Variants in CLINT1 observed in about 807,000 individuals in gnomAD.
CLINT1 encodes clathrin interactor 1.
CLINT1 carries 15 observed loss-of-function variants against 70.4 expected under a neutral mutation model. The observed-to-expected ratio is 0.21, with a 90% CI of 0.14 to 0.33. The LOEUF is 0.33. Ranked by LOEUF, CLINT1 falls within the 10% of genes least tolerant of loss-of-function variation. The pLI, the probability that CLINT1 is intolerant of heterozygous loss-of-function variation, is 1.00. For synonymous variants in CLINT1, 227 were observed against 254.7 expected (o/e 0.89, Z 1.04); for missense variants, 615 against 778.1 (o/e 0.79, Z 2.49).
rs751283137 is a variant in CLINT1 at position 157,809,699 on chromosome 5, A to G, written c.624T>C (p.Ile208=). Residue 208 remains isoleucine (I), a synonymous_variant, in exon 6 of 12, where the codon ATT becomes ATC. Transcript: ENST00000411809. The part of the protein sequence containing the change: ...SDKLGELSDK[I]GSTIDDTISK... Reference sequence around the variant, plus strand: ...TGATGGTGTCATCAATTGTGCTTCCAATTTTATCACTCAGCTCACCTAATT... The same window carrying G: ...TGATGGTGTCATCAATTGTGCTTCCGATTTTATCACTCAGCTCACCTAATT... 1 of 1,613,484 alleles carries G rather than the reference A, an allele frequency of 6.2e-7. No individual in the cohort carries two copies. The highest frequency in any genetic ancestry group is 2.2e-5 in the East Asian group (1 of 44,850).
intron 8 of CLINT1, among the ~76,000 whole-genome samples, chr5:157,798,824 A>G (rs1762135705): frequency 6.6e-6 from 1 of 152,122 alleles, no homozygotes; most frequent in Admixed American, 6.5e-5. Flanking sequence ...AAAAATAAAA[A>G]AACTAATGTC....
chr5:157,857,376 A>G (rs916617075), intron 1 of CLINT1, among the ~76,000 whole-genome samples: 1 of 152,236 alleles, frequency 6.6e-6, no homozygotes, highest in Non-Finnish European at 1.5e-5. Flanking sequence ...TCGGTAAGCA[A>G]AAGCAAAGAA....
intron 5 of CLINT1, 114 bp downstream of exon 5, chr5:157,812,949 A>G (rs1762607776): frequency 4.3e-6 from 4 of 937,120 alleles, no homozygotes; most frequent in Admixed American, 2.6e-5. Flanking sequence ...TTAGTATTCT[A>G]TGTATTCCTA....
chr5:157,817,551 TA>T lies in CLINT1; in HGVS notation c.42-5del. The T allele has an allele frequency of 6.3e-7, 1 of 1,581,532 alleles. No homozygotes were observed. Among genetic ancestry groups the T allele is most frequent in the Non-Finnish European group, 8.6e-7 (1 of 1,160,244 alleles). On this transcript the variant is annotated splice_region_variant and splice_polypyrimidine_tract_variant and intron_variant, in intron 1 of 11. Coordinates refer to ENST00000411809, the MANE Select transcript of CLINT1 (RefSeq NM_014666.4). ...ATAATTCATAACAACATTGGTGCTGTAGAGGAAAAAAATGCACGCACACATG... is the reference window on the plus strand; with the variant it reads ...ATAATTCATAACAACATTGGTGCTGTGAGGAAAAAAATGCACGCACACATG...
intron 1 of CLINT1, among the ~76,000 whole-genome samples, chr5:157,833,555 C>G (rs1337233541): frequency 6.6e-6 from 1 of 152,138 alleles, no homozygotes; most frequent in African/African-American, 2.4e-5. Flanking sequence ...CCACTTCCTC[C>G]AAGAAACCTT....
At chr5:157,822,100 A>G (rs562772748) in intron 1 of CLINT1, among the ~76,000 whole-genome samples, 153 of 152,318 alleles carry the variant, frequency 1.0e-3, no homozygotes, top group Middle Eastern at 6.8e-3. Context: ...TTGTACTCTC[A>G]TAATTCCCAC....
chr5:157,829,074 C>G (rs975908116), intron 1 of CLINT1, among the ~76,000 whole-genome samples: 3 of 151,960 alleles, frequency 2.0e-5, no homozygotes, highest in Non-Finnish European at 4.4e-5. Context: ...TGCACTCCAG[C>G]CTGGGCATGG....
At chr5:157,816,007 C>T (rs532405047) in intron 3 of CLINT1, among the ~76,000 whole-genome samples, 155 of 152,224 alleles carry the variant, frequency 1.0e-3, no homozygotes, top group Non-Finnish European at 1.7e-3. Context: ...AACCAAAAAA[C>T]TAAAAGCAAA....
chr5:157,839,670 A>G (rs113708559), intron 1 of CLINT1, among the ~76,000 whole-genome samples: 7 of 152,162 alleles, frequency 4.6e-5, no homozygotes, highest in African/African-American at 1.2e-4. Flanking sequence ...TCTGGACTAC[A>G]GGTGATCCTG....
rs1360585460 is a variant in CLINT1 at position 157,814,978 on chromosome 5, A to G, written c.244-685T>C. On this transcript the variant is annotated intron_variant, in intron 3 of 11. Transcript: ENST00000411809. ...AACCCAGAAGGTGGAGGTTGCAGTG[A>G]GCTGAGCCCGCACCACTGCACTCCA... Among the ~76,000 whole-genome samples, 3 of 150,954 alleles carry G rather than the reference A, an allele frequency of 2.0e-5. No homozygotes were observed. In the South Asian group the frequency reaches 6.3e-4, roughly 32 times the overall value.
At chr5:157,801,514 AAAAT>A (rs893061851) in intron 8 of CLINT1, among the ~76,000 whole-genome samples, 1 of 151,728 alleles carries the variant, frequency 6.6e-6, no homozygotes, top group African/African-American at 2.4e-5. Flanking sequence ...CTCAAAAAAA[AAAAT>A]AGAGAAAGAA....
At chr5:157,788,144 C>T in intron 11 of CLINT1, 152 bp from the exon 12 acceptor site, 3 of 697,586 alleles carry the variant, frequency 4.3e-6, no homozygotes, top group South Asian at 3.2e-5. Context: ...AATTACTCTG[C>T]ACTGGTTCCT....
At chr5:157,834,562 C>G (rs1369355639) in intron 1 of CLINT1, among the ~76,000 whole-genome samples, 2 of 152,152 alleles carry the variant, frequency 1.3e-5, no homozygotes, top group African/African-American at 4.8e-5. Context: ...TTCTCTCATT[C>G]CCTCTGTTTC....
intron 1 of CLINT1, among the ~76,000 whole-genome samples, chr5:157,858,597 C>T (rs1753829543): frequency 1.3e-5 from 2 of 152,240 alleles, no homozygotes; most frequent in Non-Finnish European, 2.9e-5. Context: ...CAAGACAGTC[C>T]TCCGGCCAGG....
chr5:157,791,432 T>C (rs1761901488), intron 10 of CLINT1, among the ~76,000 whole-genome samples: 1 of 152,242 alleles, frequency 6.6e-6, no homozygotes, highest in Admixed American at 6.5e-5. Context: ...TTTTGCCATG[T>C]TCCTCCTCTG....
intron 9 of CLINT1, 72 bp downstream of exon 9, chr5:157,794,826 G>T: frequency 9.5e-7 from 1 of 1,052,450 alleles, no homozygotes; most frequent in South Asian, 1.4e-5. Flanking sequence ...AAGCTGACTT[G>T]GGGGGAATGG....
Position 157,787,992 on chromosome 5 carries a change from T to A in CLINT1, c.1532A>T (p.Asn511Ile), listed in dbSNP as rs767700453. 3 of 1,600,718 alleles carry A rather than the reference T, an allele frequency of 1.9e-6. No individual in the cohort carries two copies. Among genetic ancestry groups the A allele is most frequent in the Non-Finnish European group, 2.6e-6 (3 of 1,172,794 alleles). The change falls in exon 12 of 12, where the codon AAT (asparagine) becomes ATT (isoleucine). Residue 511 changes from asparagine to isoleucine, a missense_variant and splice_region_variant. Asn to Ile is a moderately radical substitution (Grantham distance 149). This residue lies in a region of CLINT1 where 374 missense variants were observed against 409.6 expected (regional missense o/e 0.91). Transcript: ENST00000411809. ...CATCACATTCATAGGCTGCTGCATA[T>A]CTACCAGACGAAAACAGACAGAAGA... is the stretch of plus-strand genomic sequence containing the variant. ...PSLNTMIQQQNMQQPMNVMTQ... is the reference protein window; with the variant it reads ...PSLNTMIQQQIMQQPMNVMTQ...
intron 1 of CLINT1, among the ~76,000 whole-genome samples, chr5:157,847,623 C>T (rs949228633): frequency 6.6e-6 from 1 of 152,036 alleles, no homozygotes; most frequent in Non-Finnish European, 1.5e-5. Flanking sequence ...CAGTGACGGA[C>T]GTCACTGCAG....
At chr5:157,817,593 C>A (rs1191672515) in intron 1 of CLINT1, 46 bp from the exon 2 acceptor site, 1 of 1,250,832 alleles carries the variant, frequency 8.0e-7, no homozygotes, top group South Asian at 1.3e-5. Context: ...AGATTAGCAT[C>A]AAAACTGAGA....
Sources: allele counts gnomAD v4.1 joint callset (sites outside exome capture counted in the v4.1 genomes callset), GRCh38; gene constraint gnomAD v4.1.1; regional missense constraint gnomAD v4.1.1; transcripts MANE v1.5; gene names NCBI Gene and HGNC (gene_info 2026-07-23, HGNC 2026-07-21).